LRIF1: variants seen among roughly 807,000 people sequenced by gnomAD.
LRIF1 encodes ligand dependent nuclear receptor interacting factor 1.
A neutral mutation model predicts 52.7 loss-of-function variants in LRIF1; 32 were observed. The ratio of observed to expected loss-of-function variants is 0.61; its 90% CI spans 0.46 to 0.82. The LOEUF is 0.82. Among genes scored for constraint, LRIF1 ranks in the 40% least tolerant of loss-of-function variants. The probability of loss-of-function intolerance (pLI) is 0.00; values close to 1 mark genes in which losing one functional copy is unlikely to be tolerated. For missense variants in LRIF1, 887 were observed against 892.0 expected, an observed-to-expected ratio of 0.99 and a Z score of 0.07; for synonymous variants, 323 against 317.4, an observed-to-expected ratio of 1.02 and a Z score of -0.19.
rs777011270 is a variant in LRIF1 at position 110,952,557 on chromosome 1, T to C, written c.327A>G (p.Thr109=). The C allele has an allele frequency of 1.8e-5, 29 of 1,613,916 alleles. No homozygotes were observed. The highest frequency in any genetic ancestry group is 1.2e-4 in the Admixed American group (7 of 60,000). ...QPASSSNYFL[T]RTVDTSEKGR... Reference sequence around the variant, plus strand: ...CTTTTTCTGATGTATCTACTGTTCTTGTAAGAAAATAGTTTGAAGAACTGG... The same window carrying C: ...CTTTTTCTGATGTATCTACTGTTCTCGTAAGAAAATAGTTTGAAGAACTGG... The change falls in exon 2 of 4, where the codon ACA becomes ACG. Residue 109 remains threonine, a synonymous_variant. Transcript: ENST00000369763.
chr1:110,920,923 A>C, the LRIF1 span, among the ~76,000 whole-genome samples: 15 of 152,336 alleles, frequency 9.8e-5, no homozygotes, highest in East Asian at 2.9e-3. Flanking sequence ...ATTTACGACC[A>C]GCAAAATCTA....
chr1:110,910,498 G>A, the LRIF1 span, among the ~76,000 whole-genome samples: 2 of 152,268 alleles, frequency 1.3e-5, no homozygotes, highest in South Asian at 4.1e-4. Flanking sequence ...CTACTTGGGA[G>A]GCTGAGGCAG....
At chr1:110,894,161 A>G in the LRIF1 span, 2 of 631,436 alleles carry the variant, frequency 3.2e-6, no homozygotes, top group Non-Finnish European at 2.9e-6. Context: ...AATTGTAGAA[A>G]AAGAACACAT....
At chr1:110,942,175 T>C in the LRIF1 span, 1 of 152,274 alleles carries the variant, frequency 6.6e-6, no homozygotes, top group Middle Eastern at 3.4e-3. Flanking sequence ...AGAACAATAT[T>C]GCAACTAATA....
At position 110,951,293 on chromosome 1, in the gene LRIF1, G is replaced by T; in HGVS notation, c.1591C>A (p.Pro531Thr). Reference protein sequence around the residue: ...SQQCVFRDQEPKIHNEMASTS... With the variant: ...SQQCVFRDQETKIHNEMASTS... ...CCCTGACATGGGAAAATTACCTTTG[G>T]TTCTTGGTCTCTGAAAACACACTGT... The change falls in exon 2 of 4, where the codon CCA becomes ACA. Residue 531 changes from proline to threonine, a missense_variant. Coordinates refer to ENST00000369763, the MANE Select transcript of LRIF1 (RefSeq NM_018372.4). 6.2e-7 allele frequency: 1 copy of T among 1,608,342 alleles called. No individual in the cohort carries two copies. The highest frequency in any genetic ancestry group is 8.5e-7 in the Non-Finnish European group (1 of 1,177,592).
the LRIF1 span, among the ~76,000 whole-genome samples, chr1:110,928,174 A>T: frequency 1.3e-5 from 2 of 152,122 alleles, no homozygotes; most frequent in Non-Finnish European, 2.9e-5. Flanking sequence ...TTTTGTTACA[A>T]GTGTCTAGAT....
At chr1:110,910,114 C>T in the LRIF1 span, among the ~76,000 whole-genome samples, 2 of 151,926 alleles carry the variant, frequency 1.3e-5, no homozygotes, top group Non-Finnish European at 2.9e-5. Flanking sequence ...GACAGTTTCA[C>T]AGATCATCAA....
the LRIF1 span, chr1:110,892,345 A>T: frequency 2.5e-6 from 4 of 1,613,498 alleles, no homozygotes; most frequent in Non-Finnish European, 3.4e-6. Flanking sequence ...TTCCTTTCAG[A>T]TCTGTGGCTG....
the LRIF1 span, among the ~76,000 whole-genome samples, chr1:110,923,114 A>C: frequency 3.9e-5 from 6 of 152,244 alleles, no homozygotes; most frequent in Non-Finnish European, 7.4e-5. Flanking sequence ...AGACCAGCTA[A>C]CATGGTGAAA....
At chr1:110,919,105 T>C in the LRIF1 span, among the ~76,000 whole-genome samples, 2 of 152,108 alleles carry the variant, frequency 1.3e-5, no homozygotes. Flanking sequence ...CACAACAGAG[T>C]GAAACTAGAA....
At chr1:110,956,324 T>G (rs1446988654) in intron 1 of LRIF1, among the ~76,000 whole-genome samples, 2 of 152,188 alleles carry the variant, frequency 1.3e-5, no homozygotes, top group East Asian at 3.9e-4. Context: ...CATACTGAGT[T>G]CATCCAGGGT....
At chr1:110,945,634 T>A (rs1035386086), downstream of LRIF1, among the ~76,000 whole-genome samples, 13 of 152,144 alleles carry the variant, frequency 8.5e-5, no homozygotes, top group East Asian at 2.5e-3. Flanking sequence ...CCAGTGTTGG[T>A]CAGACTGGTC....
chr1:110,922,945 CCTT>C, the LRIF1 span, among the ~76,000 whole-genome samples: 19 of 152,318 alleles, frequency 1.2e-4, no homozygotes, highest in Non-Finnish European at 2.4e-4. Context: ...TCAAAGCTCT[CCTT>C]CTCTTCCTCT....
chr1:110,955,552 T>C (rs1658660764), intron 1 of LRIF1, among the ~76,000 whole-genome samples: 2 of 152,166 alleles, frequency 1.3e-5, no homozygotes, highest in African/African-American at 4.8e-5. Flanking sequence ...TTTAAGAAAA[T>C]TGGGCAATTA....
the LRIF1 span, among the ~76,000 whole-genome samples, chr1:110,888,127 C>T: frequency 2.0e-5 from 3 of 152,202 alleles, no homozygotes; most frequent in Non-Finnish European, 2.9e-5. Context: ...AACAAATTCT[C>T]TCCCTGAGCC....
rs2101102496 is a variant in LRIF1, at chr1:110,948,079, T to C, written c.2190A>G (p.Pro730=). The C allele has an allele frequency of 1.2e-6, 2 of 1,614,144 alleles. No individual in the cohort carries two copies. Among genetic ancestry groups the C allele is most frequent in the Non-Finnish European group, 1.7e-6 (2 of 1,179,998 alleles). The change falls in exon 4 of 4, where the codon CCA becomes CCG. Residue 730 remains proline (P), a synonymous_variant. Coordinates refer to ENST00000369763, the MANE Select transcript of LRIF1 (RefSeq NM_018372.4). Reference sequence around the variant, plus strand: ...TTTCTTCTAACTCCGGTGGTGTCACTGGGAAAATATCTTCGGTATAATTTT... The same window carrying C: ...TTTCTTCTAACTCCGGTGGTGTCACCGGGAAAATATCTTCGGTATAATTTT... The part of the protein sequence containing the change: ...FNKNYTEDIF[P]VTPPELEETI...
the LRIF1 span, among the ~76,000 whole-genome samples, chr1:110,906,572 G>A: frequency 2.6e-5 from 4 of 151,954 alleles, no homozygotes; most frequent in East Asian, 1.9e-4. Flanking sequence ...ATTTATGATC[G>A]CATCAAAAAA....
chr1:110,901,477 CTTTT>C, the LRIF1 span, among the ~76,000 whole-genome samples: 2 of 115,900 alleles, frequency 1.7e-5, no homozygotes, highest in Non-Finnish European at 3.5e-5. Flanking sequence ...CGCACCCGGC[CTTTT>C]TTTTTTTTTT....
chr1:110,892,456 G>A, the LRIF1 span: 21 of 1,613,892 alleles, frequency 1.3e-5, no homozygotes, highest in East Asian at 6.7e-5. Context: ...GTTTGTCATC[G>A]TGGGCTCTAT....
Sources: gnomAD v4.1 joint callset for allele counts (sites outside exome capture counted in the v4.1 genomes callset) on GRCh38, gnomAD v4.1.1 for gene constraint, MANE v1.5 for transcripts, NCBI Gene and HGNC (gene_info 2026-07-23, HGNC 2026-07-21) for gene names.